The following NPEPPS variants were observed in gnomAD, a reference collection of about 807,000 sequenced individuals.
NPEPPS encodes aminopeptidase puromycin sensitive, also known as puromycin-sensitive aminopeptidase.
Under a neutral mutation model 115.5 loss-of-function variants are expected in NPEPPS, and 14 were observed. That is an observed-to-expected ratio of 0.12 (90% CI 0.08 to 0.19). NPEPPS has a LOEUF of 0.19. Ranked by LOEUF, NPEPPS falls within the 10% of genes least tolerant of loss-of-function variation. NPEPPS has a pLI of 1.00. For missense variants in NPEPPS, 523 were observed against 1,110.8 expected (o/e 0.47, Z 7.52); for synonymous variants, 285 against 390.6 (o/e 0.73, Z 3.19).
chr17:47,602,478 C>T (rs565432501), intron 15 of NPEPPS, among the ~76,000 whole-genome samples: 37 of 150,918 alleles, frequency 2.5e-4, no homozygotes, highest in African/African-American at 8.0e-4. Flanking sequence ...ACTAAAGATA[C>T]GAAAAAAAAA....
intron 14 of NPEPPS, 121 bp downstream of exon 14, chr17:47,599,860 CAGGCTCGAGTGCCAT>C: frequency 2.5e-6 from 2 of 793,032 alleles, no homozygotes; most frequent in Non-Finnish European, 4.1e-6. Context: ...CTCTGTCGCC[CAGGCTCGAGTGCCAT>C]AGCGTGATCT....
intron 14 of NPEPPS, 129 bp from the exon 15 acceptor site, chr17:47,601,479 G>A: frequency 2.2e-6 from 2 of 915,232 alleles, no homozygotes; most frequent in South Asian, 1.4e-5. Flanking sequence ...AAGAGTTCAT[G>A]TACCACTAAG....
chr17:47,610,068 AAGTATACAATTC>A (rs1431520743), intron 17 of NPEPPS, among the ~76,000 whole-genome samples: 1 of 152,018 alleles, frequency 6.6e-6, no homozygotes, highest in East Asian at 1.9e-4. Context: ...CACCCTTTTA[AAGTATACAATTC>A]AGTATTTGTT....
At chr17:47,573,441 A>G (rs1911320003) in intron 3 of NPEPPS, among the ~76,000 whole-genome samples, 1 of 152,354 alleles carries the variant, frequency 6.6e-6, no homozygotes, top group Non-Finnish European at 1.5e-5. Flanking sequence ...ATTTCGGAGT[A>G]AAAATATTTT....
In NPEPPS at chr17:47,623,097, CT is replaced by C. The variant is rs990114006; in HGVS notation, c.*1184del. On this transcript the variant is annotated 3_prime_UTR_variant, in exon 23 of 23. Transcript: ENST00000322157. ...CTTCTTCTTTCCCTACCTTTTTTTTCTTTTTTTCTTAAAAAAATATTTTGTG... is the reference window on the plus strand; with the variant it reads ...CTTCTTCTTTCCCTACCTTTTTTTTCTTTTTTCTTAAAAAAATATTTTGTG... The C allele has an allele frequency of 4.0e-6, 1 of 251,950 alleles. No individual in the cohort carries two copies. The highest frequency in any genetic ancestry group is 2.4e-5 in the African/African-American group (1 of 41,736). The allele number at this position is 251,950 out of a possible 1,614,324, so 15.6% of individuals were successfully genotyped here.
rs370652779 is a variant in NPEPPS, at chr17:47,558,574, C to T, written c.341-10843C>T. ...CCTCCCAAGTAGCTGGGATTACATGCGCCTGCTACCACGCCTGGCTAATTT... is the reference window on the plus strand; with the variant it reads ...CCTCCCAAGTAGCTGGGATTACATGTGCCTGCTACCACGCCTGGCTAATTT... On this transcript the variant is annotated intron_variant, in intron 2 of 22. Transcript: ENST00000322157. Among the ~76,000 whole-genome samples the T allele has an allele frequency of 7.3e-5, 11 of 150,672 alleles. No homozygotes were observed. The East Asian group carries it at 1.6e-3, about 22-fold the overall frequency.
intron 15 of NPEPPS, among the ~76,000 whole-genome samples, chr17:47,603,053 T>C (rs374309782): frequency 6.6e-6 from 1 of 152,194 alleles, no homozygotes; most frequent in East Asian, 1.9e-4. Flanking sequence ...TCTTACTGTT[T>C]TACCATTTAA....
At chr17:47,596,718 G>C (rs1401303820) in intron 13 of NPEPPS, among the ~76,000 whole-genome samples, 1 of 152,164 alleles carries the variant, frequency 6.6e-6, no homozygotes, top group Admixed American at 6.5e-5. Flanking sequence ...CACCAAATAT[G>C]GTTTATTCTA....
At position 47,591,975 on chromosome 17, in the gene NPEPPS, C is replaced by T. The variant is rs1420145152; in HGVS notation, c.1280C>T (p.Ser427Phe). 1.6e-6 allele frequency: 2 copies of T among 1,260,802 alleles called. No individual in the cohort carries two copies. The highest frequency in any genetic ancestry group is 1.1e-6 in the Non-Finnish European group (1 of 876,696). The allele number at this position is 1,260,802 out of a possible 1,614,324, so 78.1% of individuals were successfully genotyped here. A position where few individuals can be genotyped will look rare whatever the true frequency, so the allele number is the denominator to read the frequency against. The change falls in exon 11 of 23, where the codon TCT becomes TTT. Residue 427 changes from serine to phenylalanine, a missense_variant. Ser to Phe is a radical substitution (Grantham distance 155). Coordinates refer to ENST00000322157, the MANE Select transcript of NPEPPS (RefSeq NM_006310.4). ...HPIEVSVGHP[S>F]EVDEIFDAIS... ...TGCCAGGTCAGTGTGGGCCATCCATCTGAGGTTGATGAGATATTTGATGCT... is the reference window on the plus strand; with the variant it reads ...TGCCAGGTCAGTGTGGGCCATCCATTTGAGGTTGATGAGATATTTGATGCT...
chr17:47,600,935 T>G (rs1409884619), intron 14 of NPEPPS, among the ~76,000 whole-genome samples: 1 of 152,076 alleles, frequency 6.6e-6, no homozygotes, highest in Non-Finnish European at 1.5e-5. Context: ...TTAAATGATA[T>G]ATGAAGGCTG....
At chr17:47,602,684 T>C (rs1567866907) in intron 15 of NPEPPS, among the ~76,000 whole-genome samples, 1 of 151,704 alleles carries the variant, frequency 6.6e-6, no homozygotes, top group African/African-American at 2.4e-5. Context: ...TCAACTTCTT[T>C]TTTTTTTGAG....
At chr17:47,597,535 A>G (rs1177288775) in intron 13 of NPEPPS, among the ~76,000 whole-genome samples, 2 of 152,134 alleles carry the variant, frequency 1.3e-5, no homozygotes, top group South Asian at 2.1e-4. Flanking sequence ...TATTACTTTT[A>G]TATTTTAAAA....
intron 2 of NPEPPS, among the ~76,000 whole-genome samples, chr17:47,566,064 G>A (rs1340526564): frequency 6.6e-6 from 1 of 152,132 alleles, no homozygotes; most frequent in East Asian, 1.9e-4. Flanking sequence ...CATGATCATG[G>A]CTCACTCCAG....
Position 47,553,951 on chromosome 17 carries a change from C to T in NPEPPS, c.340+7958C>T, listed in dbSNP as rs77223058. The stretch of plus-strand genomic sequence containing the variant: ...GTTTTTAGTAGAGACGGGGTTTCAT[C>T]GTGTTAGCCAGGATGGTCTCCATCT... On this transcript the variant is annotated intron_variant, in intron 2 of 22. Coordinates refer to ENST00000322157, the MANE Select transcript of NPEPPS (RefSeq NM_006310.4). Among the ~76,000 whole-genome samples, 582 of 151,570 alleles carry T rather than the reference C, an allele frequency of 3.8e-3. 27 individuals are homozygous for T. The East Asian group carries it at 0.094, about 25-fold the overall frequency.
rs574265271 is a variant in NPEPPS at position 47,568,169 on chromosome 17, T to C, written c.341-1248T>C. ...ATCCTACCTTATACTTTTTTTTTTT[T>C]TTTTCTTTTTTTGAGACAGAGTCTC... On this transcript the variant is annotated intron_variant, in intron 2 of 22. Transcript: ENST00000322157. Among the ~76,000 whole-genome samples the C allele has an allele frequency of 2.0e-5, 3 of 151,174 alleles. No individual in the cohort carries two copies. The East Asian group carries it at 5.8e-4, about 29-fold the overall frequency.
chr17:47,530,509 A>T (rs930986475), upstream of NPEPPS, among the ~76,000 whole-genome samples: 9 of 150,482 alleles, frequency 6.0e-5, no homozygotes, highest in Non-Finnish European at 5.9e-5. Context: ...GGCGCCCGCC[A>T]CCACGCCCGG....
At chr17:47,582,619 T>C (rs1567857354) in intron 4 of NPEPPS, 123 bp from the exon 5 acceptor site, 12 of 737,470 alleles carry the variant, frequency 1.6e-5, no homozygotes, top group Non-Finnish European at 2.9e-5. Flanking sequence ...TGCCTGGCAC[T>C]GAAGAGAAAG....
At chr17:47,581,250 GT>G (rs907226500) in intron 4 of NPEPPS, 2 of 151,982 alleles carry the variant, frequency 1.3e-5, no homozygotes, top group African/African-American at 4.8e-5. Context: ...AAATTAAACT[GT>G]TTTTTAAACC....
intron 17 of NPEPPS, among the ~76,000 whole-genome samples, chr17:47,610,154 C>G (rs1913753755): frequency 6.6e-6 from 1 of 151,850 alleles, no homozygotes; most frequent in Non-Finnish European, 1.5e-5. Flanking sequence ...TTCACCCTCC[C>G]CACTCTCAGC....
Sources: gnomAD v4.1 joint callset for allele counts (sites outside exome capture counted in the v4.1 genomes callset) on GRCh38, gnomAD v4.1.1 for gene constraint, MANE v1.5 for transcripts, NCBI Gene and HGNC (gene_info 2026-07-23, HGNC 2026-07-21) for gene names.